The following KCNN3 variants were observed in gnomAD, a reference collection of about 807,000 sequenced individuals.
The protein encoded by KCNN3 is potassium calcium-activated channel subfamily N member 3.
A neutral mutation model predicts 62.9 loss-of-function variants in KCNN3; 16 were observed. The ratio of observed to expected loss-of-function variants is 0.25; its 90% CI spans 0.17 to 0.39. The LOEUF is 0.39. Ranked by LOEUF, KCNN3 falls within the 10% of genes least tolerant of loss-of-function variation. The probability of loss-of-function intolerance (pLI) is 1.00; values close to 1 mark genes in which losing one functional copy is unlikely to be tolerated. For missense variants in KCNN3, 599 were observed against 949.4 expected, an observed-to-expected ratio of 0.63 and a Z score of 4.85; for synonymous variants, 370 against 389.2, an observed-to-expected ratio of 0.95 and a Z score of 0.58.
chr1:154,824,959 T>G (rs995974102), intron 1 of KCNN3, among the ~76,000 whole-genome samples: 1 of 152,256 alleles, frequency 6.6e-6, no homozygotes, highest in Non-Finnish European at 1.5e-5. Context: ...CAGATTTCTT[T>G]GCATTCTCCA....
intron 3 of KCNN3, among the ~76,000 whole-genome samples, chr1:154,743,124 T>TCCA (rs1700861000): frequency 6.6e-6 from 1 of 150,478 alleles, no homozygotes; most frequent in Non-Finnish European, 1.5e-5. Context: ...CCTCTCACCT[T>TCCA]GTCCAGCCCC....
intron 1 of KCNN3, among the ~76,000 whole-genome samples, chr1:154,837,540 A>G (rs1218579): frequency 0.37 from 55,640 of 151,916 alleles, 10,584 homozygotes; most frequent in East Asian, 0.6. Flanking sequence ...TCTGGGCCCG[A>G]GAGCACAGAA....
intron 3 of KCNN3, among the ~76,000 whole-genome samples, chr1:154,756,620 A>G (rs1647723697): frequency 6.6e-6 from 1 of 151,898 alleles, no homozygotes; most frequent in Admixed American, 6.6e-5. Flanking sequence ...ATTTCCTCTC[A>G]TCCTTCAGAC....
intron 3 of KCNN3, among the ~76,000 whole-genome samples, chr1:154,749,647 A>T (rs1461880543): frequency 6.6e-6 from 1 of 152,154 alleles, no homozygotes; most frequent in African/African-American, 2.4e-5. Context: ...GACTCAGCAG[A>T]GGTTGCAAAG....
At chr1:154,783,983 G>A (rs1378859323) in intron 2 of KCNN3, among the ~76,000 whole-genome samples, 1 of 152,196 alleles carries the variant, frequency 6.6e-6, no homozygotes, top group Non-Finnish European at 1.5e-5. Context: ...CTAAGTACAG[G>A]ATGGAGGTGG....
intron 2 of KCNN3, among the ~76,000 whole-genome samples, chr1:154,807,197 C>G (rs565944513): frequency 1.2e-4 from 19 of 152,158 alleles, no homozygotes; most frequent in East Asian, 1.2e-3. Context: ...CGAGGACATA[C>G]AGAGAAGGTG....
intron 1 of KCNN3, among the ~76,000 whole-genome samples, chr1:154,825,092 C>G (rs560078994): frequency 6.6e-6 from 1 of 152,364 alleles, no homozygotes; most frequent in South Asian, 2.1e-4. Flanking sequence ...CTTCTCTTTG[C>G]TGCCTGAACA....
chr1:154,727,263 C>G (rs1700490461), intron 4 of KCNN3, among the ~76,000 whole-genome samples: 1 of 152,232 alleles, frequency 6.6e-6, no homozygotes, highest in Non-Finnish European at 1.5e-5. Flanking sequence ...CTAGTTGCCA[C>G]AGAACCCAGT....
intron 2 of KCNN3, among the ~76,000 whole-genome samples, chr1:154,798,867 A>G (rs534310949): frequency 6.6e-6 from 1 of 151,338 alleles, no homozygotes; most frequent in South Asian, 2.1e-4. Flanking sequence ...GACTGGTGAG[A>G]CCATTGCTAT....
rs1195510519 is a variant in KCNN3, at chr1:154,706,488, G to A, written c.*1488C>T. 1 of 152,170 alleles carries A rather than the reference G, an allele frequency of 6.6e-6. No homozygotes were observed. The highest frequency in any genetic ancestry group is 1.5e-5 in the Non-Finnish European group (1 of 68,026). 9.4% of individuals were successfully genotyped at this position (152,170 alleles called of 1,614,324 possible). On this transcript the variant is annotated 3_prime_UTR_variant, in exon 8 of 8. Coordinates refer to ENST00000271915, the MANE Select transcript of KCNN3 (RefSeq NM_002249.6). ...AAATGTTACGTGTGGTCAGATTATG[G>A]AGCAATGAAAACATTTTTCTGCGCC...
At chr1:154,784,412 A>G (rs1253496044) in intron 2 of KCNN3, among the ~76,000 whole-genome samples, 1 of 152,104 alleles carries the variant, frequency 6.6e-6, no homozygotes, top group Non-Finnish European at 1.5e-5. Flanking sequence ...AGCTAAACCA[A>G]GTTACCAGTA....
intron 3 of KCNN3, among the ~76,000 whole-genome samples, chr1:154,738,573 T>C (rs1013662812): frequency 3.3e-5 from 5 of 152,152 alleles, no homozygotes; most frequent in Non-Finnish European, 7.4e-5. Context: ...CTCAGGGTGA[T>C]GCTACAGGGA....
chr1:154,832,854 G>C (rs1651428356), intron 1 of KCNN3, among the ~76,000 whole-genome samples: 1 of 152,206 alleles, frequency 6.6e-6, no homozygotes, highest in Non-Finnish European at 1.5e-5. Context: ...AGCCATCGCT[G>C]ACAAGACGCA....
At chr1:154,756,063 GGAA>G (rs1647675561) in intron 3 of KCNN3, among the ~76,000 whole-genome samples, 1 of 112,168 alleles carries the variant, frequency 8.9e-6, no homozygotes, top group Non-Finnish European at 1.8e-5. Context: ...AAGAGGAAGA[GGAA>G]GAAGAAGGAG....
At chr1:154,775,218 A>C (rs1384008866) in intron 2 of KCNN3, among the ~76,000 whole-genome samples, 1 of 152,186 alleles carries the variant, frequency 6.6e-6, no homozygotes, top group African/African-American at 2.4e-5. Flanking sequence ...GTTCAGCAAG[A>C]ACTGAGGACC....
rs1477609774 is a variant in KCNN3, at chr1:154,703,436, CAG to C, written c.*4538_*4539del. 6 of 152,152 alleles carry C rather than the reference CAG, an allele frequency of 3.9e-5. No individual in the cohort carries two copies. The highest frequency in any genetic ancestry group is 1.3e-4 in the Admixed American group (2 of 15,284). The allele number at this position is 152,152 out of a possible 1,614,324, so 9.4% of individuals were successfully genotyped here. A position where few individuals can be genotyped will look rare whatever the true frequency, so the allele number is the denominator to read the frequency against. The stretch of plus-strand genomic sequence containing the variant: ...TCTAAGGTACTGAAATCAAACCCTG[CAG>C]AGTCAATAGGGATCCTTCATCTGCT... On this transcript the variant is annotated 3_prime_UTR_variant, in exon 8 of 8. Coordinates refer to ENST00000271915, the MANE Select transcript of KCNN3 (RefSeq NM_002249.6).
At chr1:154,737,008 G>T (rs1039069897) in intron 3 of KCNN3, 4 of 701,638 alleles carry the variant, frequency 5.7e-6, no homozygotes, top group Non-Finnish European at 1.0e-5. Flanking sequence ...GTGGCTTGGA[G>T]CTTCGTCATG....
At chr1:154,753,720 A>G (rs1359346459) in intron 3 of KCNN3, among the ~76,000 whole-genome samples, 1 of 152,142 alleles carries the variant, frequency 6.6e-6, no homozygotes, top group African/African-American at 2.4e-5. Context: ...GTGGTGAAAA[A>G]CAGAAGAGGA....
chr1:154,794,565 T>C lies in KCNN3; in HGVS notation c.1030-22172A>G, dbSNP rs546133104. On this transcript the variant is annotated intron_variant, in intron 2 of 7. Coordinates refer to ENST00000271915, the MANE Select transcript of KCNN3 (RefSeq NM_002249.6). ...TAGAGGGTAGACTATTGTTATGCTC[T>C]TTATTATCTTTGACTATTGCCTTTC... 2.6e-5 allele frequency among the ~76,000 whole-genome samples: 4 copies of C among 152,324 alleles called. No homozygotes were observed. The South Asian group carries it at 8.3e-4, about 32-fold the overall frequency.
Sources: gnomAD v4.1 joint callset for allele counts (sites outside exome capture counted in the v4.1 genomes callset) on GRCh38, gnomAD v4.1.1 for gene constraint, MANE v1.5 for transcripts, NCBI Gene and HGNC (gene_info 2026-07-23, HGNC 2026-07-21) for gene names.